Variants in MIDEAS observed in about 807,000 individuals in gnomAD.
MIDEAS encodes the protein mitotic deacetylase-associated SANT domain protein.
Under a neutral mutation model 102.7 loss-of-function variants are expected in MIDEAS, and 26 were observed. That is an observed-to-expected ratio of 0.25 (90% CI 0.19 to 0.35). MIDEAS has a LOEUF of 0.35. Ranked by LOEUF, MIDEAS falls within the 10% of genes least tolerant of loss-of-function variation. The probability of loss-of-function intolerance (pLI) is 1.00; values close to 1 mark genes in which losing one functional copy is unlikely to be tolerated. For missense variants in MIDEAS, 1,231 were observed against 1,435.6 expected, an observed-to-expected ratio of 0.86 and a Z score of 2.30; for synonymous variants, 585 against 591.0, an observed-to-expected ratio of 0.99 and a Z score of 0.15.
In MIDEAS at chr14:73,727,352, C is replaced by T. The variant is rs1595256374; in HGVS notation, c.2162+106G>A. ...GAAGCTCAAGGAGGCCCTCTCAGCCCTCTGCAGGCCCCACGGAACCCTCCT... is the reference window on the plus strand; with the variant it reads ...GAAGCTCAAGGAGGCCCTCTCAGCCTTCTGCAGGCCCCACGGAACCCTCCT... On this transcript the variant is annotated intron_variant, in intron 5 of 12. Transcript: ENST00000423556. The T allele has an allele frequency of 4.1e-6, 5 of 1,206,254 alleles. No homozygotes were observed. In the East Asian group the frequency reaches 1.2e-4, roughly 29 times the overall value. The allele number at this position is 1,206,254 out of a possible 1,614,324, so 74.7% of individuals were successfully genotyped here.
rs2052949462 is a variant in MIDEAS at position 73,719,316 on chromosome 14, T to C, written c.3123A>G (p.Lys1041=). Residue 1041 remains lysine, a synonymous_variant, in exon 12 of 13, where the codon AAA becomes AAG. Transcript: ENST00000423556. Reference sequence around the variant, plus strand: ...GCTGCCCACCTTACCTGCCACATTTTTTACAGGGGAAAGTGTTCTCCTGAT... The same window carrying C: ...GCTGCCCACCTTACCTGCCACATTTCTTACAGGGGAAAGTGTTCTCCTGAT... ...TQNQENTFPC[K]KCGRVFYKVK... 1.3e-6 allele frequency: 2 copies of C among 1,593,406 alleles called. No individual in the cohort carries two copies. Among genetic ancestry groups the C allele is most frequent in the Non-Finnish European group, 1.7e-6 (2 of 1,166,908 alleles).
In MIDEAS at chr14:73,742,889, A is replaced by G. The variant is rs1171015655; in HGVS notation, c.-247-2634T>C. ...CAGGGCACTAAGTAGTCATAGGAGT[A>G]ATGATGATGGTGATGGTGCACCCGT... On this transcript the variant is annotated intron_variant, in intron 1 of 12. Coordinates refer to ENST00000423556, the MANE Select transcript of MIDEAS (RefSeq NM_001367710.1). This position sits in a 1 kb window ranked among gnomAD's most constrained non-coding sequence, Gnocchi z 4.4. 6.6e-6 allele frequency among the ~76,000 whole-genome samples: 1 copy of G among 152,128 alleles called. No homozygotes were observed. Among genetic ancestry groups the G allele is most frequent in the Non-Finnish European group, 1.5e-5 (1 of 68,016 alleles).
chr14:73,723,558 A>G (rs2053023827), intron 9 of MIDEAS: 1 of 152,262 alleles, frequency 6.6e-6, no homozygotes, highest in African/African-American at 2.4e-5. Flanking sequence ...TAGTCATGTG[A>G]CAGGATGACT....
rs138496568 is a variant in MIDEAS at position 73,739,490 on chromosome 14, T to C, written c.519A>G (p.Pro173=). The change falls in exon 2 of 13, where the codon CCA becomes CCG. Residue 173 remains proline, a synonymous_variant. Coordinates refer to ENST00000423556, the MANE Select transcript of MIDEAS (RefSeq NM_001367710.1). ...EALKREKAGG[P]QLDRYVRPMM... is the part of the protein sequence containing the mutation. ...TTGGTCGCACATAGCGGTCCAGCTG[T>C]GGGCCCCCCGCTTTCTCCCGCTTCA... The C allele has an allele frequency of 8.7e-4, 1,395 of 1,612,324 alleles. 14 individuals are homozygous for C. In the African/African-American group the frequency reaches 0.017, roughly 20 times the overall value.
chr14:73,745,506 C>T (rs2053339863), intron 1 of MIDEAS, among the ~76,000 whole-genome samples: 2 of 152,208 alleles, frequency 1.3e-5, no homozygotes, highest in South Asian at 4.1e-4. Flanking sequence ...CCTGCCACCC[C>T]CACCAGAGGA....
At chr14:73,746,769 C>T (rs182398894) in intron 1 of MIDEAS, among the ~76,000 whole-genome samples, 136 of 152,280 alleles carry the variant, frequency 8.9e-4, no homozygotes, top group African/African-American at 3.0e-3. Flanking sequence ...CTTGCCCTGC[C>T]CACTCCCCCA....
chr14:73,719,792 AGC>A (rs2052959525), intron 11 of MIDEAS, among the ~76,000 whole-genome samples: 7 of 102,386 alleles, frequency 6.8e-5, no homozygotes, highest in Admixed American at 6.4e-4. Context: ...GGGTTAATGA[AGC>A]ACCTACCTGT....
intron 3 of MIDEAS, among the ~76,000 whole-genome samples, chr14:73,736,594 A>G (rs1033441936): frequency 1.5e-4 from 23 of 150,402 alleles, no homozygotes; most frequent in African/African-American, 4.7e-4. Flanking sequence ...TTGCGCCACT[A>G]CACTCCAGCC....
intron 4 of MIDEAS, 43 bp downstream of exon 4, chr14:73,729,597 C>T (rs748938168): frequency 2.0e-6 from 3 of 1,526,080 alleles, no homozygotes; most frequent in South Asian, 1.2e-5. Flanking sequence ...TGCCCAGTGC[C>T]CCAGCCCCGC....
chr14:73,727,562 C>CT, intron 4 of MIDEAS, 38 bp from the exon 5 acceptor site: 1 of 1,564,806 alleles, frequency 6.4e-7, no homozygotes, highest in Non-Finnish European at 8.7e-7. Flanking sequence ...TAGCACCCCC[C>CT]TTTCAGCAAA....
chr14:73,786,524 G>A (rs879550065), intron 1 of MIDEAS, among the ~76,000 whole-genome samples: 4 of 152,190 alleles, frequency 2.6e-5, no homozygotes, highest in Non-Finnish European at 4.4e-5. Context: ...TAAAGGGGGA[G>A]TCAGGAGCGA....
chr14:73,725,153 C>A lies in MIDEAS; in HGVS notation c.2574+119G>T. The A allele has an allele frequency of 1.4e-6, 1 of 740,064 alleles. No homozygotes were observed. Among genetic ancestry groups the A allele is most frequent in the Non-Finnish European group, 2.4e-6 (1 of 409,332 alleles). 45.8% of individuals were successfully genotyped at this position (740,064 alleles called of 1,614,324 possible). On this transcript the variant is annotated intron_variant, in intron 9 of 12. Transcript: ENST00000423556. The surrounding 1 kb of genome is among the most constrained non-coding windows in gnomAD (Gnocchi z 4.1). ...ATTGTTTAGGAAATTCTCTCTGAGG[C>A]TACTCAGTAGCATTGACCTGACTGC...
At chr14:73,773,133 T>G (rs1208361170) in intron 1 of MIDEAS, among the ~76,000 whole-genome samples, 1 of 148,852 alleles carries the variant, frequency 6.7e-6, no homozygotes, top group Non-Finnish European at 1.5e-5. Flanking sequence ...CCACCACGCC[T>G]GGCTTCTCAT....
chr14:73,778,229 C>A (rs1461707332), intron 1 of MIDEAS, among the ~76,000 whole-genome samples: 1 of 151,828 alleles, frequency 6.6e-6, no homozygotes, highest in Non-Finnish European at 1.5e-5. Flanking sequence ...GCAGCACACA[C>A]CTGTAATCCC....
Position 73,726,898 on chromosome 14 carries a change from G to C in MIDEAS, c.2237C>G (p.Pro746Arg). ...MRDRALAAAD[P>R]HKADLVWQPW... Reference sequence around the variant, plus strand: ...CTGCCACACCAAGTCAGCCTTGTGGGGATCTGCAGCTGCCAGGGCACGGTC... The same window carrying C: ...CTGCCACACCAAGTCAGCCTTGTGGCGATCTGCAGCTGCCAGGGCACGGTC... Residue 746 changes from proline to arginine, a missense_variant, in exon 6 of 13, where the codon CCC (proline) becomes CGC (arginine). Pro to Arg is a moderately radical substitution (Grantham distance 103). Transcript: ENST00000423556. The C allele has an allele frequency of 6.2e-7, 1 of 1,613,922 alleles. No homozygotes were observed. Among genetic ancestry groups the C allele is most frequent in the Non-Finnish European group, 8.5e-7 (1 of 1,179,828 alleles).
chr14:73,726,057 G>T lies in MIDEAS; in HGVS notation c.2461C>A (p.Pro821Thr). Residue 821 changes from proline to threonine, a missense_variant, in exon 8 of 13, where the codon CCG (proline) becomes ACG (threonine). This residue lies in a region of MIDEAS where 391 missense variants were observed against 483.0 expected (regional missense o/e 0.81). Coordinates refer to ENST00000423556, the MANE Select transcript of MIDEAS (RefSeq NM_001367710.1). ...CCTGTGTAGTGATAAGTTGCCAGCG[G>T]ATGGTTGTGGGGCCGCAGGGGCTTC... is the stretch of plus-strand genomic sequence containing the variant. ...LKKPLRPHNH[P>T]LATYHYTGSD... 6.3e-7 allele frequency: 1 copy of T among 1,599,090 alleles called. No homozygotes were observed. Among genetic ancestry groups the T allele is most frequent in the Non-Finnish European group, 8.5e-7 (1 of 1,173,692 alleles).
chr14:73,764,069 A>G (rs1427675179), upstream of MIDEAS, among the ~76,000 whole-genome samples: 1 of 152,084 alleles, frequency 6.6e-6, no homozygotes, highest in Admixed American at 6.6e-5. Context: ...CCCCAGCGTC[A>G]TGGCTCACGC....
At chr14:73,783,443 G>A (rs894658830) in intron 1 of MIDEAS, among the ~76,000 whole-genome samples, 1 of 152,200 alleles carries the variant, frequency 6.6e-6, no homozygotes, top group Non-Finnish European at 1.5e-5. Context: ...GGTCAGAGCC[G>A]AGGGTTAGGA....
rs537922089 is a variant in MIDEAS at position 73,722,865 on chromosome 14, C to G, written c.2575-18G>C. Reference sequence around the variant, plus strand: ...GTCTGGATCTGGTTTGAAGTCAAAACTGAGGTCAGAACCCTCTGGTTTGGC... The same window carrying G: ...GTCTGGATCTGGTTTGAAGTCAAAAGTGAGGTCAGAACCCTCTGGTTTGGC... On this transcript the variant is annotated intron_variant, in intron 9 of 12. Transcript: ENST00000423556. The G allele has an allele frequency of 1.1e-4, 175 of 1,613,296 alleles. 1 individual carries two copies. The highest frequency in any genetic ancestry group is 1.6e-4 in the Middle Eastern group (1 of 6,080).
Sources: allele counts gnomAD v4.1 joint callset (sites outside exome capture counted in the v4.1 genomes callset), GRCh38; gene constraint gnomAD v4.1.1; regional missense constraint gnomAD v4.1.1; non-coding constraint Gnocchi (gnomAD v3.1); transcripts MANE v1.5; gene names NCBI Gene and HGNC (gene_info 2026-07-23, HGNC 2026-07-21).